The following WASF1 variants were observed in gnomAD, a reference collection of about 807,000 sequenced individuals.
WASF1 encodes WASP family member 1, also known as actin-binding protein WASF1.
A neutral mutation model predicts 50.5 loss-of-function variants in WASF1; 7 were observed. The observed-to-expected ratio is 0.14, with a 90% CI of 0.08 to 0.26. The LOEUF (loss-of-function observed/expected upper bound fraction) is 0.26, where lower values mean the gene tolerates loss of function less well. Ranked by LOEUF, WASF1 falls within the 10% of genes least tolerant of loss-of-function variation. The pLI, the probability that WASF1 is intolerant of heterozygous loss-of-function variation, is 1.00. For synonymous variants in WASF1, 205 were observed against 244.0 expected (o/e 0.84, Z 1.49); for missense variants, 470 against 694.7 (o/e 0.68, Z 3.64).
intron 3 of WASF1, among the ~76,000 whole-genome samples, chr6:110,128,853 T>C (rs1774530888): frequency 6.6e-6 from 1 of 152,070 alleles, no homozygotes; most frequent in Admixed American, 6.5e-5. Context: ...CGGCATTAGA[T>C]TCTCATAGGA....
intron 4 of WASF1, among the ~76,000 whole-genome samples, chr6:110,124,274 C>CTATATA (rs35703116): frequency 0.011 from 216 of 20,498 alleles, 13 homozygotes; most frequent in Non-Finnish European, 0.012. Flanking sequence ...CTCTCTCTCT[C>CTATATA]TATATATATA....
chr6:110,179,139 G>A (rs930047613), intron 1 of WASF1, among the ~76,000 whole-genome samples: 1 of 152,162 alleles, frequency 6.6e-6, no homozygotes, highest in Admixed American at 6.5e-5. Context: ...CCGGGCGGTG[G>A]CACCTCAGGT....
intron 3 of WASF1, among the ~76,000 whole-genome samples, chr6:110,129,308 AAAAC>A (rs1055364481): frequency 1.3e-5 from 2 of 152,216 alleles, no homozygotes; most frequent in Admixed American, 6.5e-5. Context: ...AAAAAACAAA[AAAAC>A]AAACAAAAAA....
intron 5 of WASF1, among the ~76,000 whole-genome samples, chr6:110,110,188 A>G (rs1773496912): frequency 6.6e-6 from 1 of 152,250 alleles, no homozygotes; most frequent in African/African-American, 2.4e-5. Context: ...CAATTCAGTA[A>G]GACAGGAATT....
rs554669464 is a variant in WASF1 at position 110,161,477 on chromosome 6, G to A, written c.-126-745C>T. Among the ~76,000 whole-genome samples, 347 of 151,602 alleles carry A rather than the reference G, an allele frequency of 2.3e-3. 1 individual carries two copies. Among genetic ancestry groups the A allele is most frequent in the African/African-American group, 8.1e-3 (335 of 41,470 alleles). On this transcript the variant is annotated intron_variant, in intron 2 of 10. Coordinates refer to ENST00000392589, the MANE Select transcript of WASF1 (RefSeq NM_003931.3). ...TATACTCACATGAGCCTCTTAGATA[G>A]CAGTGGACCATTCTTCAGTTAAGAG...
At chr6:110,106,037 A>T (rs1773308423) in intron 7 of WASF1, among the ~76,000 whole-genome samples, 1 of 152,250 alleles carries the variant, frequency 6.6e-6, no homozygotes, top group South Asian at 2.1e-4. Flanking sequence ...TTATCTAATT[A>T]ACCGATAATA....
At chr6:110,143,409 T>C (rs1478204467) in intron 3 of WASF1, among the ~76,000 whole-genome samples, 1 of 151,918 alleles carries the variant, frequency 6.6e-6, no homozygotes, top group Non-Finnish European at 1.5e-5. Context: ...ATGCCTTCTC[T>C]TGATTCAAAA....
intron 3 of WASF1, among the ~76,000 whole-genome samples, chr6:110,149,819 C>T (rs1775746708): frequency 6.6e-6 from 1 of 152,140 alleles, no homozygotes; most frequent in Non-Finnish European, 1.5e-5. Flanking sequence ...GAGCAGTGTA[C>T]ACTGTACCCA....
At chr6:110,178,160 C>A (rs1199157675) in intron 2 of WASF1, among the ~76,000 whole-genome samples, 1 of 152,074 alleles carries the variant, frequency 6.6e-6, no homozygotes, top group African/African-American at 2.4e-5. Context: ...TTAAATCCTT[C>A]CATTCAATGG....
chr6:110,165,718 C>T (rs1776448970), intron 2 of WASF1, among the ~76,000 whole-genome samples: 1 of 151,728 alleles, frequency 6.6e-6, no homozygotes, highest in African/African-American at 2.4e-5. Context: ...CATGGATCTT[C>T]TGTACCAGTG....
intron 8 of WASF1, among the ~76,000 whole-genome samples, chr6:110,104,329 TA>T (rs770531877): frequency 2.0e-5 from 3 of 152,210 alleles, no homozygotes; most frequent in Non-Finnish European, 4.4e-5. Context: ...AATAAATGTC[TA>T]AAGTTTATTA....
rs748103202 is a variant in WASF1, at chr6:110,108,512, T to A, written c.422+16A>T. 2 of 1,593,962 alleles carry A rather than the reference T, an allele frequency of 1.3e-6. No homozygotes were observed. The highest frequency in any genetic ancestry group is 1.7e-6 in the Non-Finnish European group (2 of 1,169,308). On this transcript the variant is annotated intron_variant, in intron 6 of 10. Transcript: ENST00000392589. ...CTGAGATAAATAATAGGGCTACTAT[T>A]TATTAACCTACCTACCTATAAGGAG...
At chr6:110,117,950 G>A (rs1773887047) in intron 4 of WASF1, among the ~76,000 whole-genome samples, 1 of 152,050 alleles carries the variant, frequency 6.6e-6, no homozygotes, top group Admixed American at 6.6e-5. Context: ...ATCCTTTACA[G>A]ACAAGCAAAT....
At chr6:110,109,858 C>A (rs538500506) in intron 5 of WASF1, among the ~76,000 whole-genome samples, 1 of 152,136 alleles carries the variant, frequency 6.6e-6, no homozygotes, top group East Asian at 1.9e-4. Flanking sequence ...CCACATCCAG[C>A]CAACAATTCT....
At chr6:110,110,191 C>T (rs1053460583) in intron 5 of WASF1, among the ~76,000 whole-genome samples, 1 of 152,130 alleles carries the variant, frequency 6.6e-6, no homozygotes, top group South Asian at 2.1e-4. Context: ...TTCAGTAAGA[C>T]AGGAATTATT....
chr6:110,124,499 A>C (rs1420015355), intron 4 of WASF1, among the ~76,000 whole-genome samples: 1 of 151,464 alleles, frequency 6.6e-6, no homozygotes, highest in Non-Finnish European at 1.5e-5. Context: ...ACCTTGCATC[A>C]TTAAGAAAGC....
chr6:110,134,812 CA>C (rs1774871442), intron 3 of WASF1, among the ~76,000 whole-genome samples: 1 of 152,098 alleles, frequency 6.6e-6, no homozygotes. Flanking sequence ...GTGATGTCTC[CA>C]GATTTGTTCT....
At chr6:110,137,246 A>T (rs114496651) in intron 3 of WASF1, among the ~76,000 whole-genome samples, 1 of 152,182 alleles carries the variant, frequency 6.6e-6, no homozygotes, top group African/African-American at 2.4e-5. Context: ...TGAATTCCTT[A>T]TATTTTCCCC....
At chr6:110,108,504 G>A (rs1773423301) in intron 6 of WASF1, 24 bp downstream of exon 6, 4 of 1,579,740 alleles carry the variant, frequency 2.5e-6, no homozygotes, top group East Asian at 2.3e-5. Context: ...AAATAATAGG[G>A]CTACTATTTA....
Sources: gnomAD v4.1 joint callset for allele counts (sites outside exome capture counted in the v4.1 genomes callset) on GRCh38, gnomAD v4.1.1 for gene constraint, MANE v1.5 for transcripts, NCBI Gene and HGNC (gene_info 2026-07-23, HGNC 2026-07-21) for gene names.